FRYL: variants seen among roughly 807,000 people sequenced by gnomAD.
FRYL encodes FRY like transcription coactivator, also known as protein furry homolog-like.
Under a neutral mutation model 351.2 loss-of-function variants are expected in FRYL, and 150 were observed. That is an observed-to-expected ratio of 0.43 (90% CI 0.37 to 0.49). The LOEUF (loss-of-function observed/expected upper bound fraction) is 0.49, where lower values mean the gene tolerates loss of function less well. Ranked by LOEUF, FRYL falls within the 20% of genes least tolerant of loss-of-function variation. The pLI, the probability that FRYL is intolerant of heterozygous loss-of-function variation, is 0.00. For missense variants in FRYL, 3,036 were observed against 3,619.3 expected (o/e 0.84, Z 4.13); for synonymous variants, 1,153 against 1,257.1 (o/e 0.92, Z 1.75).
intron 4 of FRYL, among the ~76,000 whole-genome samples, chr4:48,623,801 T>C (rs1578399488): frequency 6.6e-6 from 1 of 151,766 alleles, no homozygotes; most frequent in East Asian, 1.9e-4. Context: ...AAGAGAAATA[T>C]AAGTTAAAAA....
chr4:48,692,434 C>T (rs536194086), intron 2 of FRYL, among the ~76,000 whole-genome samples: 8 of 152,062 alleles, frequency 5.3e-5, no homozygotes, highest in African/African-American at 1.7e-4. Flanking sequence ...ACTCTGCCGC[C>T]CAGGCTGGAG....
At chr4:48,715,323 G>A (rs1332440532) in intron 1 of FRYL, among the ~76,000 whole-genome samples, 7 of 151,994 alleles carry the variant, frequency 4.6e-5, no homozygotes, top group Admixed American at 6.6e-5. Context: ...GGAAAAGAGG[G>A]AGTCAAATTG....
chr4:48,643,659 G>A (rs539797834), intron 3 of FRYL, among the ~76,000 whole-genome samples: 4 of 151,968 alleles, frequency 2.6e-5, no homozygotes, highest in South Asian at 2.1e-4. Context: ...AAATTAAATC[G>A]TTACAAATAT....
intron 27 of FRYL, among the ~76,000 whole-genome samples, chr4:48,569,585 A>G (rs1737779151): frequency 2.0e-5 from 3 of 152,264 alleles, no homozygotes; most frequent in Non-Finnish European, 4.4e-5. Flanking sequence ...GGTGTGAGCC[A>G]CTGCATCGGC....
intron 1 of FRYL, among the ~76,000 whole-genome samples, chr4:48,770,638 T>C (rs1389816738): frequency 1.3e-5 from 2 of 152,088 alleles, no homozygotes; most frequent in Non-Finnish European, 2.9e-5. Flanking sequence ...GGTTTCTCCA[T>C]GTTGGTTGAG....
intron 3 of FRYL, among the ~76,000 whole-genome samples, chr4:48,668,666 A>T (rs1762162674): frequency 6.6e-6 from 1 of 152,246 alleles, no homozygotes; most frequent in Non-Finnish European, 1.5e-5. Flanking sequence ...TCAGTCCTCA[A>T]CCCACTATCT....
At chr4:48,731,979 G>C (rs1474495438) in intron 1 of FRYL, among the ~76,000 whole-genome samples, 1 of 152,140 alleles carries the variant, frequency 6.6e-6, no homozygotes, top group Non-Finnish European at 1.5e-5. Context: ...ACTATCATCA[G>C]AGTGAGGCAA....
At chr4:48,551,404 C>T (rs970994967) in intron 37 of FRYL, 90 bp downstream of exon 37, 6 of 706,762 alleles carry the variant, frequency 8.5e-6, no homozygotes, top group South Asian at 2.9e-5. Flanking sequence ...ACAGCAACAT[C>T]CACATTTCAA....
intron 55 of FRYL, among the ~76,000 whole-genome samples, chr4:48,515,527 C>G (rs1723390577): frequency 6.6e-6 from 1 of 151,626 alleles, no homozygotes; most frequent in African/African-American, 2.4e-5. Flanking sequence ...GCCACCATGC[C>G]CAGCTAATTT....
At chr4:48,559,528 C>CA (rs67320603) in intron 33 of FRYL, among the ~76,000 whole-genome samples, 160 of 10,380 alleles carry the variant, frequency 0.015, 35 homozygotes, top group Admixed American at 0.022. Context: ...CCTCTCTCTC[C>CA]AAAAAAAAAA....
At position 48,565,529 on chromosome 4, in the gene FRYL, A is replaced by T; in HGVS notation, c.3330+2T>A. 1 of 1,541,642 alleles carries T rather than the reference A, an allele frequency of 6.5e-7. No individual in the cohort carries two copies. The highest frequency in any genetic ancestry group is 8.7e-7 in the Non-Finnish European group (1 of 1,148,810). ...AAAGAAATCAGGTTTCTAAGTAAAT[A>T]CCTTTAACGCACAGTATTGATGTCT... On this transcript the variant is annotated splice_donor_variant, in intron 29 of 63. Coordinates refer to ENST00000358350, the MANE Select transcript of FRYL (RefSeq NM_015030.2). LOFTEE classifies it high-confidence loss of function.
rs1209193063 is a variant in FRYL at position 48,579,047 on chromosome 4, G to C, written c.2454C>G (p.Cys818Trp). 1 of 1,613,774 alleles carries C rather than the reference G, an allele frequency of 6.2e-7. No homozygotes were observed. Among genetic ancestry groups the C allele is most frequent in the East Asian group, 2.2e-5 (1 of 44,876 alleles). ...TCCAAGCATAGCTCACAGCTGTAGA[G>C]CAGTGTTTAGGAAGATTTTCTTGCT... ...FLKQENLPKHCSTAVSYAWMF... is the reference protein window; with the variant it reads ...FLKQENLPKHWSTAVSYAWMF... Residue 818 changes from cysteine (C) to tryptophan (W), a missense_variant, in exon 23 of 64, where the codon TGC (cysteine) becomes TGG (tryptophan). Physicochemically the swap from Cys to Trp is radical, Grantham distance 215. This residue lies in a region of FRYL where 492 missense variants were observed against 551.5 expected (regional missense o/e 0.89). Coordinates refer to ENST00000358350, the MANE Select transcript of FRYL (RefSeq NM_015030.2).
intron 18 of FRYL, among the ~76,000 whole-genome samples, chr4:48,587,506 G>A (rs1742349458): frequency 6.6e-6 from 1 of 151,824 alleles, no homozygotes; most frequent in Admixed American, 6.6e-5. Flanking sequence ...ATGTAGAAAA[G>A]AATTTGGATA....
chr4:48,499,588 T>C lies in FRYL; in HGVS notation c.8876A>G (p.Gln2959Arg), dbSNP rs775261262. The C allele has an allele frequency of 1.8e-5, 29 of 1,614,022 alleles. No homozygotes were observed. Among genetic ancestry groups the C allele is most frequent in the Admixed American group, 5.0e-5 (3 of 60,006 alleles). ...GCCTATAACTGCAAAGCTTCCTGTC[T>C]GGCCCAGCGTCTGATGATGGAAATA... Reference protein sequence around the residue: ...HIYFHHQTLGQTGSFAVIGSN... With the variant: ...HIYFHHQTLGRTGSFAVIGSN... Residue 2959 changes from glutamine (Q) to arginine (R), a missense_variant, in exon 64 of 64, where the codon CAG (glutamine) becomes CGG (arginine). Coordinates refer to ENST00000358350, the MANE Select transcript of FRYL (RefSeq NM_015030.2).
In FRYL at chr4:48,522,919, T is replaced by C. The variant is rs1725223677; in HGVS notation, c.7503A>G (p.Ile2501Met). 6.2e-7 allele frequency: 1 copy of C among 1,613,348 alleles called. No homozygotes were observed. The highest frequency in any genetic ancestry group is 8.5e-7 in the Non-Finnish European group (1 of 1,179,514). The change falls in exon 54 of 64, where the codon ATA (isoleucine) becomes ATG (methionine). Residue 2501 changes from isoleucine (I) to methionine (M), a missense_variant. This residue lies in a region of FRYL where 1,987 missense variants were observed against 2,311.7 expected (regional missense o/e 0.86). Transcript: ENST00000358350. The stretch of plus-strand genomic sequence containing the variant: ...TGTATACCATCTGTGTGCGTGAGAG[T>C]ATCTGGCTTGCTGTAAGTGCCGCTT... ...EEEAALTASQ[I>M]LSRTQMLNSD...
chr4:48,773,587 T>A (rs1445488538), intron 1 of FRYL, among the ~76,000 whole-genome samples: 1 of 152,042 alleles, frequency 6.6e-6, no homozygotes, highest in Admixed American at 6.6e-5. Flanking sequence ...AAAAAAAAAA[T>A]TTCCTATTAT....
intron 1 of FRYL, among the ~76,000 whole-genome samples, chr4:48,721,310 T>C (rs1186169259): frequency 6.6e-6 from 1 of 151,508 alleles, no homozygotes; most frequent in Admixed American, 6.6e-5. Flanking sequence ...ACAAAACAAG[T>C]AATGTTATAA....
chr4:48,604,229 G>C (rs2149259153), intron 11 of FRYL, among the ~76,000 whole-genome samples: 1 of 152,296 alleles, frequency 6.6e-6, no homozygotes, highest in South Asian at 2.1e-4. Context: ...ATAAGTAAAT[G>C]AGTAAAGAAA....
At chr4:48,772,084 G>A (rs567239403) in intron 1 of FRYL, among the ~76,000 whole-genome samples, 14 of 152,216 alleles carry the variant, frequency 9.2e-5, no homozygotes, top group African/African-American at 2.6e-4. Flanking sequence ...CCAGACATAC[G>A]AATGTCACTA....
Sources: gnomAD v4.1 joint callset for allele counts (sites outside exome capture counted in the v4.1 genomes callset) on GRCh38, gnomAD v4.1.1 for gene constraint, gnomAD v4.1.1 regional missense constraint, MANE v1.5 for transcripts, NCBI Gene and HGNC (gene_info 2026-07-23, HGNC 2026-07-21) for gene names.